OPCML: variants seen among roughly 807,000 people sequenced by gnomAD.
OPCML encodes opioid binding protein/cell adhesion molecule like.
OPCML carries 13 observed loss-of-function variants against 37.8 expected under a neutral mutation model. The ratio of observed to expected loss-of-function variants is 0.34; its 90% CI spans 0.22 to 0.55. The LOEUF (loss-of-function observed/expected upper bound fraction) is 0.55, where lower values mean the gene tolerates loss of function less well. OPCML is among the 20% of genes least tolerant of loss of function. The pLI, the probability that OPCML is intolerant of heterozygous loss-of-function variation, is 0.91. For missense variants in OPCML, 341 were observed against 435.6 expected, an observed-to-expected ratio of 0.78 and a Z score of 1.93; for synonymous variants, 176 against 168.8, an observed-to-expected ratio of 1.04 and a Z score of -0.33.
At chr11:133,297,708 A>G (rs1222969035) in intron 1 of OPCML, 3 of 152,264 alleles carry the variant, frequency 2.0e-5, no homozygotes, top group African/African-American at 7.2e-5. Flanking sequence ...CAGGAATGGC[A>G]GCATTTTCCT....
intron 3 of OPCML, among the ~76,000 whole-genome samples, chr11:132,531,509 A>G (rs1257781210): frequency 1.3e-5 from 2 of 152,356 alleles, no homozygotes; most frequent in Non-Finnish European, 2.9e-5. Context: ...CGCTGCTGAG[A>G]CCTTACAGGT....
At chr11:132,675,904 A>G (rs1195888606) in intron 2 of OPCML, among the ~76,000 whole-genome samples, 1 of 152,146 alleles carries the variant, frequency 6.6e-6, no homozygotes, top group African/African-American at 2.4e-5. Flanking sequence ...CTTTATCAAC[A>G]TTTCAGCTGG....
chr11:132,722,990 C>A (rs1201991414), intron 2 of OPCML, among the ~76,000 whole-genome samples: 1 of 152,014 alleles, frequency 6.6e-6, no homozygotes, highest in East Asian at 1.9e-4. Context: ...CAGTCTGACC[C>A]CAGAGATGAT....
At chr11:132,925,319 TAGTGTGG>T (rs886548843) in intron 2 of OPCML, among the ~76,000 whole-genome samples, 69 of 152,336 alleles carry the variant, frequency 4.5e-4, no homozygotes, top group African/African-American at 1.7e-3. Flanking sequence ...GGCTTTTAGC[TAGTGTGG>T]GGTAAAGTAG....
chr11:133,525,255 T>C (rs1431278438), intron 1 of OPCML, among the ~76,000 whole-genome samples: 1 of 152,114 alleles, frequency 6.6e-6, no homozygotes, highest in East Asian at 1.9e-4. Context: ...TTCTGAAGGA[T>C]GGAAAGGATG....
chr11:132,439,126 G>T (rs984853313), intron 4 of OPCML, among the ~76,000 whole-genome samples: 1 of 152,172 alleles, frequency 6.6e-6, no homozygotes, highest in Admixed American at 6.5e-5. Context: ...ACCTGGTCCT[G>T]GTGACAGGGT....
chr11:133,387,536 C>A (rs992633396), intron 1 of OPCML, among the ~76,000 whole-genome samples: 1 of 152,208 alleles, frequency 6.6e-6, no homozygotes, highest in African/African-American at 2.4e-5. Flanking sequence ...GAGAAGTTAC[C>A]TGACAAACTC....
At chr11:132,927,347 T>C (rs1410855470) in intron 2 of OPCML, among the ~76,000 whole-genome samples, 1 of 152,132 alleles carries the variant, frequency 6.6e-6, no homozygotes, top group African/African-American at 2.4e-5. Flanking sequence ...AGATCATCAT[T>C]GAATTTCTCA....
intron 2 of OPCML, among the ~76,000 whole-genome samples, chr11:132,802,783 T>C (rs1472926712): frequency 9.2e-5 from 14 of 152,162 alleles, no homozygotes; most frequent in Admixed American, 6.5e-5. Context: ...AGGGCCATAG[T>C]AGAGCAAAAA....
intron 3 of OPCML, among the ~76,000 whole-genome samples, chr11:132,617,676 AGTTGGCATCAAG>A (rs1939124696): frequency 6.6e-6 from 1 of 152,226 alleles, no homozygotes; most frequent in African/African-American, 2.4e-5. Flanking sequence ...TCTGAGATGA[AGTTGGCATCAAG>A]GTTGGCATCT....
chr11:133,162,706 TG>T (rs1421166699), intron 1 of OPCML, among the ~76,000 whole-genome samples: 1 of 151,324 alleles, frequency 6.6e-6, no homozygotes, highest in Non-Finnish European at 1.5e-5. Context: ...GGTCCCTGTT[TG>T]TGTCAGCCGG....
chr11:132,560,809 T>A lies in OPCML; in HGVS notation c.380-31623A>T, dbSNP rs182990820. 5.0e-4 allele frequency among the ~76,000 whole-genome samples: 76 copies of A among 152,332 alleles called. 1 individual carries two copies. The highest frequency in any genetic ancestry group is 1.8e-3 in the African/African-American group (73 of 41,586). On this transcript the variant is annotated intron_variant, in intron 3 of 7. Coordinates refer to ENST00000524381, the MANE Select transcript of OPCML (RefSeq NM_001012393.5). ...TTCTTGAGTTCTTTGTACATTCTGGTTGTTAGTTGTTTGTCAGATGTATAC... is the reference window on the plus strand; with the variant it reads ...TTCTTGAGTTCTTTGTACATTCTGGATGTTAGTTGTTTGTCAGATGTATAC...
intron 1 of OPCML, among the ~76,000 whole-genome samples, chr11:133,277,270 A>G (rs1942020669): frequency 6.6e-6 from 1 of 152,182 alleles, no homozygotes; most frequent in Non-Finnish European, 1.5e-5. Flanking sequence ...CCCTGTTCTG[A>G]AGTTCTTGTT....
At chr11:132,598,275 G>C (rs1166351152) in intron 3 of OPCML, among the ~76,000 whole-genome samples, 1 of 152,002 alleles carries the variant, frequency 6.6e-6, no homozygotes, top group Non-Finnish European at 1.5e-5. Context: ...GTATGTGTCT[G>C]TTTCACCTAC....
At chr11:133,004,274 G>A in intron 1 of OPCML, 1 of 985,460 alleles carries the variant, frequency 1.0e-6, no homozygotes, top group Non-Finnish European at 1.2e-6. Flanking sequence ...CTTGCCAGAG[G>A]AAAGCAAATG....
At chr11:132,898,307 G>A (rs1165010641) in intron 2 of OPCML, among the ~76,000 whole-genome samples, 1 of 152,136 alleles carries the variant, frequency 6.6e-6, no homozygotes, top group East Asian at 1.9e-4. Flanking sequence ...TCTGGACATG[G>A]GTTTGCCTTC....
At chr11:132,761,764 G>C (rs534128040) in intron 2 of OPCML, among the ~76,000 whole-genome samples, 1 of 152,180 alleles carries the variant, frequency 6.6e-6, no homozygotes, top group South Asian at 2.1e-4. Context: ...TGCTCCTTTA[G>C]CTCGGAAGAG....
intron 1 of OPCML, among the ~76,000 whole-genome samples, chr11:133,400,702 A>G (rs1184291212): frequency 2.6e-5 from 4 of 152,226 alleles, no homozygotes; most frequent in East Asian, 1.9e-4. Flanking sequence ...AAGCCAAACA[A>G]TCCAGCTAGG....
intron 2 of OPCML, among the ~76,000 whole-genome samples, chr11:132,659,774 T>A (rs1191441309): frequency 6.6e-6 from 1 of 152,096 alleles, no homozygotes; most frequent in Non-Finnish European, 1.5e-5. Context: ...TTAACACTCC[T>A]GATTATCTGC....
Sources: gnomAD v4.1 joint callset for allele counts (sites outside exome capture counted in the v4.1 genomes callset) on GRCh38, gnomAD v4.1.1 for gene constraint, MANE v1.5 for transcripts, NCBI Gene and HGNC (gene_info 2026-07-23, HGNC 2026-07-21) for gene names.